Variants in TIPIN observed in about 807,000 individuals in gnomAD.
The protein encoded by TIPIN is TIMELESS-interacting protein.
A neutral mutation model predicts 35.6 loss-of-function variants in TIPIN; 29 were observed. The ratio of observed to expected loss-of-function variants is 0.82; its 90% CI spans 0.61 to 1.11. The LOEUF (loss-of-function observed/expected upper bound fraction) is 1.11. Among genes scored for constraint, TIPIN ranks in the 50% most tolerant of loss-of-function variants. The pLI, the probability that TIPIN is intolerant of heterozygous loss-of-function variation, is 0.00. For synonymous variants in TIPIN, 102 were observed against 121.5 expected (o/e 0.84, Z 1.06); for missense variants, 296 against 345.4 (o/e 0.86, Z 1.13).
chr15:66,348,324 T>C (rs1333466242), intron 6 of TIPIN: 1 of 151,638 alleles, frequency 6.6e-6, no homozygotes, highest in Non-Finnish European at 1.5e-5. Context: ...CAGATCAAAC[T>C]CCTTGTTCTA....
At chr15:66,360,897 C>T (rs1221796753), upstream of TIPIN, among the ~76,000 whole-genome samples, 4 of 152,196 alleles carry the variant, frequency 2.6e-5, no homozygotes, top group African/African-American at 4.8e-5. Flanking sequence ...ACCCAGGAGG[C>T]GGAGGTTGCA....
intron 1 of TIPIN, among the ~76,000 whole-genome samples, chr15:66,364,975 AG>A (rs778057522): frequency 6.9e-6 from 1 of 145,946 alleles, no homozygotes; most frequent in Non-Finnish European, 1.5e-5. Context: ...TCAAAAAAAA[AG>A]AAAAAGAAAA....
chr15:66,343,204 A>G (rs2093100349), intron 6 of TIPIN, among the ~76,000 whole-genome samples: 1 of 152,206 alleles, frequency 6.6e-6, no homozygotes, highest in Non-Finnish European at 1.5e-5. Context: ...ACAAAATAAC[A>G]AAATGCCTGT....
intron 1 of TIPIN, among the ~76,000 whole-genome samples, chr15:66,368,193 A>T (rs1160447053): frequency 1.3e-5 from 2 of 151,996 alleles, no homozygotes; most frequent in Admixed American, 6.6e-5. Context: ...GACTATATAC[A>T]TCATGGGCAT....
intron 1 of TIPIN, among the ~76,000 whole-genome samples, chr15:66,362,767 C>G (rs920310558): frequency 2.0e-5 from 3 of 152,152 alleles, no homozygotes; most frequent in Non-Finnish European, 2.9e-5. Flanking sequence ...AATGGAGTCT[C>G]TTAAAACCAA....
At chr15:66,362,645 C>T (rs747015897) in intron 1 of TIPIN, among the ~76,000 whole-genome samples, 6 of 152,134 alleles carry the variant, frequency 3.9e-5, no homozygotes, top group Non-Finnish European at 5.9e-5. Flanking sequence ...GGCATTAACA[C>T]GGGAGGCAGA....
At chr15:66,363,246 C>T (rs1017177762) in intron 1 of TIPIN, among the ~76,000 whole-genome samples, 2 of 151,988 alleles carry the variant, frequency 1.3e-5, no homozygotes, top group Non-Finnish European at 2.9e-5. Flanking sequence ...TGGTGGCTCA[C>T]GCCTGTAATC....
intron 7 of TIPIN, among the ~76,000 whole-genome samples, chr15:66,339,001 C>T (rs1469788431): frequency 2.7e-5 from 4 of 148,790 alleles, no homozygotes; most frequent in South Asian, 2.1e-4. Context: ...CATGGGGGCA[C>T]GCACTTGTAG....
rs73486069 is a variant in TIPIN, at chr15:66,339,726, G to A, written c.682+1424C>T. 8.7e-3 allele frequency among the ~76,000 whole-genome samples: 1,325 copies of A among 152,132 alleles called. 30 individuals carry two copies. The highest frequency in any genetic ancestry group is 0.03 in the African/African-American group (1,262 of 41,508). The stretch of plus-strand genomic sequence containing the variant: ...CTAGCCTGGGTGACAGATTGACAAC[G>A]TTTCTAAAAATACTAATAATATATT... On this transcript the variant is annotated intron_variant, in intron 7 of 7. Transcript: ENST00000261881.
At chr15:66,342,198 AAAAAAAAAAAG>A (rs1336184183) in intron 6 of TIPIN, among the ~76,000 whole-genome samples, 1 of 121,730 alleles carries the variant, frequency 8.2e-6, no homozygotes, top group Non-Finnish European at 1.8e-5. Flanking sequence ...AAAAAAAAAA[AAAAAAAAAAAG>A]AAAGAAACAA....
chr15:66,375,666 C>T (rs12439706), intron 1 of TIPIN, among the ~76,000 whole-genome samples: 15,367 of 150,440 alleles, frequency 0.1, 825 homozygotes, highest in African/African-American at 0.14. Context: ...TGGTGAAACC[C>T]CGTCTCTACT....
upstream of TIPIN, among the ~76,000 whole-genome samples, chr15:66,358,415 T>G (rs1055533912): frequency 6.6e-6 from 1 of 152,034 alleles, no homozygotes; most frequent in Non-Finnish European, 1.5e-5. Flanking sequence ...CTCTCCACTT[T>G]TCTTTCTTTC....
chr15:66,356,520 G>T (rs2093205080), intron 1 of TIPIN, 119 bp downstream of exon 1: 1 of 834,692 alleles, frequency 1.2e-6, no homozygotes. Flanking sequence ...CCCCCTTCCT[G>T]CGACAATTAG....
At chr15:66,383,934 T>C (rs1249816142) in intron 1 of TIPIN, among the ~76,000 whole-genome samples, 1 of 152,198 alleles carries the variant, frequency 6.6e-6, no homozygotes. Flanking sequence ...TATCTATATA[T>C]ATCCCATAAC....
chr15:66,370,695 A>C (rs1413635006), intron 1 of TIPIN, among the ~76,000 whole-genome samples: 1 of 152,192 alleles, frequency 6.6e-6, no homozygotes, highest in Non-Finnish European at 1.5e-5. Context: ...ATAAGAAAAA[A>C]AGTAAGGTGG....
At chr15:66,339,151 AAAAAAAG>A (rs1213975885) in intron 7 of TIPIN, among the ~76,000 whole-genome samples, 8 of 53,028 alleles carry the variant, frequency 1.5e-4, no homozygotes, top group African/African-American at 5.4e-4. Context: ...AAAAAAAAAA[AAAAAAAG>A]CAAAAAGAAA....
chr15:66,380,177 A>G (rs1395423917), intron 1 of TIPIN, among the ~76,000 whole-genome samples: 1 of 149,122 alleles, frequency 6.7e-6, no homozygotes, highest in Admixed American at 6.7e-5. Context: ...AATTTTTTGT[A>G]TTTTTAGTAG....
chr15:66,385,098 A>AC (rs2093331895), intron 1 of TIPIN, among the ~76,000 whole-genome samples: 1 of 152,174 alleles, frequency 6.6e-6, no homozygotes, highest in African/African-American at 2.4e-5. Flanking sequence ...GACTTAATCA[A>AC]CCATCCTGAA....
chr15:66,341,165 G>A lies in TIPIN; in HGVS notation c.667C>T (p.Gln223Ter), dbSNP rs2093083640. Residue 223 changes from glutamine (Q) to a stop codon, truncating the protein, a stop_gained, in exon 7 of 8, where the codon CAG becomes TAG. Transcript: ENST00000261881. LOFTEE classifies it high-confidence loss of function. ...RRQAKLLSNS[Q>*]TLGNDMLMNT... ...TAAAATTTACCATTTCCTAGGGTCT[G>A]ACTATTACTCAGCAGCTTTGCCTGC... 4 of 1,611,572 alleles carry A rather than the reference G, an allele frequency of 2.5e-6. No homozygotes were observed. The African/African-American group carries it at 5.3e-5, about 22-fold the overall frequency.
Sources: gnomAD v4.1 joint callset for allele counts (sites outside exome capture counted in the v4.1 genomes callset) on GRCh38, gnomAD v4.1.1 for gene constraint, MANE v1.5 for transcripts, NCBI Gene and HGNC (gene_info 2026-07-23, HGNC 2026-07-21) for gene names.